The following PRKAG2 variants were observed in gnomAD, a reference collection of about 807,000 sequenced individuals.
The protein encoded by PRKAG2 is 5'-AMP-activated protein kinase subunit gamma-2.
PRKAG2 carries 26 observed loss-of-function variants against 69.6 expected under a neutral mutation model. The ratio of observed to expected loss-of-function variants is 0.37; its 90% CI spans 0.27 to 0.52. The LOEUF is 0.52. PRKAG2 is among the 20% of genes least tolerant of loss of function. The probability of loss-of-function intolerance (pLI) is 0.90; values close to 1 mark genes in which losing one functional copy is unlikely to be tolerated. For missense variants in PRKAG2, 557 were observed against 740.0 expected (o/e 0.75, Z 2.87); for synonymous variants, 293 against 285.0 (o/e 1.03, Z -0.28).
At chr7:151,680,038 C>T (rs1350111003) in intron 3 of PRKAG2, among the ~76,000 whole-genome samples, 5 of 152,146 alleles carry the variant, frequency 3.3e-5, no homozygotes, top group Non-Finnish European at 1.5e-5. Flanking sequence ...GGTGACACAG[C>T]AAGATCCTAT....
rs986608652 is a variant in PRKAG2 at position 151,814,902 on chromosome 7, G to C, written c.115-28361C>G. The C allele has an allele frequency of 1.6e-6, 2 of 1,228,286 alleles. No homozygotes were observed. The highest frequency in any genetic ancestry group is 2.0e-6 in the Non-Finnish European group (2 of 985,090). 76.1% of individuals were successfully genotyped at this position (1,228,286 alleles called of 1,614,324 possible). On this transcript the variant is annotated intron_variant, in intron 1 of 15. Transcript: ENST00000287878. This position sits in a 1 kb window ranked among gnomAD's most constrained non-coding sequence, Gnocchi z 4.8. ...CCACACAGCAAGCCAGCAGGAGGGA[G>C]GGCTGGACCGGAGCTTTTAAAAAGA...
chr7:151,763,502 C>T (rs1456126565), intron 3 of PRKAG2, among the ~76,000 whole-genome samples: 1 of 152,240 alleles, frequency 6.6e-6, no homozygotes, highest in Non-Finnish European at 1.5e-5. Flanking sequence ...CATCCACCTG[C>T]GCTTCTGACC....
intron 1 of PRKAG2, among the ~76,000 whole-genome samples, chr7:151,819,259 G>A (rs904367933): frequency 2.0e-5 from 3 of 152,230 alleles, no homozygotes; most frequent in Admixed American, 6.5e-5. Flanking sequence ...GGTCCTGCTC[G>A]GAGTGCATCT....
intron 3 of PRKAG2, among the ~76,000 whole-genome samples, chr7:151,687,649 G>A (rs557944479): frequency 2.6e-4 from 40 of 152,300 alleles, no homozygotes; most frequent in African/African-American, 8.9e-4. Flanking sequence ...TGGAGGAAGT[G>A]CAGGCTCTGA....
rs944517778 is a variant in PRKAG2, at chr7:151,874,114, T to G, written c.114+2393A>C. On this transcript the variant is annotated intron_variant, in intron 1 of 15. Transcript: ENST00000287878. ...ATGATGTATATGTATATGATGTATA[T>G]GTATATGTATATGATGTATATGTAT... is the stretch of plus-strand genomic sequence containing the variant. Among the ~76,000 whole-genome samples the G allele has an allele frequency of 1.7e-4, 24 of 145,408 alleles. 2 individuals carry two copies. Among genetic ancestry groups the G allele is most frequent in the African/African-American group, 6.2e-4 (24 of 38,946 alleles).
At chr7:151,822,167 A>C (rs1192807236) in intron 1 of PRKAG2, among the ~76,000 whole-genome samples, 2 of 152,206 alleles carry the variant, frequency 1.3e-5, no homozygotes, top group Non-Finnish European at 2.9e-5. Flanking sequence ...ATGTTCCAGA[A>C]ACAGACACCT....
Position 151,771,969 on chromosome 7 carries a change from T to C in PRKAG2, c.466+9183A>G, listed in dbSNP as rs753787780. ...GTTGGTGAATTAATTTCAAACAATT[T>C]GCTCAGTGCCTTCAGGCGCCATTCT... On this transcript the variant is annotated intron_variant, in intron 3 of 15. Coordinates refer to ENST00000287878, the MANE Select transcript of PRKAG2 (RefSeq NM_016203.4). The surrounding 1 kb of genome is among the most constrained non-coding windows in gnomAD (Gnocchi z 4.0). Among the ~76,000 whole-genome samples the C allele has an allele frequency of 3.3e-5, 5 of 152,246 alleles. No individual in the cohort carries two copies. Among genetic ancestry groups the C allele is most frequent in the Non-Finnish European group, 5.9e-5 (4 of 68,052 alleles).
At position 151,564,104 on chromosome 7, in the gene PRKAG2, T is replaced by C; in HGVS notation, c.1558A>G (p.Ile520Val). 1 of 1,614,194 alleles carries C rather than the reference T, an allele frequency of 6.2e-7. No individual in the cohort carries two copies. Among genetic ancestry groups the C allele is most frequent in the Non-Finnish European group, 8.5e-7 (1 of 1,180,036 alleles). Residue 520 changes from isoleucine (I) to valine (V), a missense_variant, in exon 14 of 16, where the codon ATC (isoleucine) becomes GTC (valine). Physicochemically the swap from Ile to Val is conservative, Grantham distance 29 (BLOSUM62 3). This residue lies in a region of PRKAG2 where 205 missense variants were observed against 383.4 expected (regional missense o/e 0.53). Coordinates refer to ENST00000287878, the MANE Select transcript of PRKAG2 (RefSeq NM_016203.4). ...TCAGCTCTTACTATTCTGTCCACGA[T>C]GGTCTCCAGTATTTCCAGCTTATTG... Reference protein sequence around the residue: ...KCNKLEILETIVDRIVRAEVH... With the variant: ...KCNKLEILETVVDRIVRAEVH...
intron 3 of PRKAG2, among the ~76,000 whole-genome samples, chr7:151,705,552 TA>T (rs1450096667): frequency 6.6e-6 from 1 of 151,992 alleles, no homozygotes; most frequent in Non-Finnish European, 1.5e-5. Context: ...GGGAGACAGA[TA>T]GGGGGAGGGC....
At chr7:151,648,393 AC>A (rs1466549013) in intron 4 of PRKAG2, among the ~76,000 whole-genome samples, 1 of 152,122 alleles carries the variant, frequency 6.6e-6, no homozygotes, top group Non-Finnish European at 1.5e-5. Context: ...CTTGCATCCC[AC>A]CGTGGTCCTC....
chr7:151,625,299 G>A (rs1374968501), intron 5 of PRKAG2, among the ~76,000 whole-genome samples: 1 of 152,168 alleles, frequency 6.6e-6, no homozygotes, highest in African/African-American at 2.4e-5. Context: ...AGCTGTCTGT[G>A]TAAAGTCTGG....
Position 151,632,262 on chromosome 7 carries a change from A to G in PRKAG2, c.685-124T>C, listed in dbSNP as rs1323174606. On this transcript the variant is annotated intron_variant, in intron 4 of 15. Coordinates refer to ENST00000287878, the MANE Select transcript of PRKAG2 (RefSeq NM_016203.4). The surrounding 1 kb of genome is among the most constrained non-coding windows in gnomAD (Gnocchi z 4.2). ...GCGCCGCCGGGAGGAGGGGCCTGGC[A>G]GGGGACGCGGGCAGCGGGGGCCGGG... The G allele has an allele frequency of 1.9e-6, 2 of 1,042,042 alleles. No individual in the cohort carries two copies. Among genetic ancestry groups the G allele is most frequent in the Middle Eastern group, 4.5e-4 (1 of 2,232 alleles). The allele number at this position is 1,042,042 out of a possible 1,614,324, so 64.5% of individuals were successfully genotyped here.
intron 10 of PRKAG2, 64 bp from the exon 11 acceptor site, chr7:151,568,906 C>A: frequency 6.3e-7 from 1 of 1,579,168 alleles, no homozygotes; most frequent in Non-Finnish European, 8.7e-7. Context: ...CTTTGGACTA[C>A]CCCTGCCTTA....
At chr7:151,862,752 CGCAGGGAGCACTGGTAGGTCCCCAAGT>C (rs1334482355) in intron 1 of PRKAG2, among the ~76,000 whole-genome samples, 3 of 152,134 alleles carry the variant, frequency 2.0e-5, no homozygotes, top group African/African-American at 7.2e-5. Context: ...GATCCCCAGG[CGCAGGGAGCACTGGTAGGTCCCCAAGT>C]GCAGGGGGCA....
chr7:151,783,398 T>C (rs1211239071), intron 2 of PRKAG2, among the ~76,000 whole-genome samples: 3 of 152,190 alleles, frequency 2.0e-5, no homozygotes, highest in Non-Finnish European at 4.4e-5. Flanking sequence ...TGCAGTGCAC[T>C]GGCGCAATCT....
At chr7:151,830,741 T>C (rs932258313) in intron 1 of PRKAG2, among the ~76,000 whole-genome samples, 1 of 135,962 alleles carries the variant, frequency 7.4e-6, no homozygotes, top group Non-Finnish European at 1.6e-5. Flanking sequence ...GAAAACTCCC[T>C]CTGGCCAAAC....
In PRKAG2 at chr7:151,721,382, A is replaced by G. The variant is rs866877113; in HGVS notation, c.467-45745T>C. ...ACAGGAAAGGGCTGAAGACAGGGCC[A>G]GGGCCAGGGCCGGGGCCAGGGCCGG... On this transcript the variant is annotated intron_variant, in intron 3 of 15. Transcript: ENST00000287878. 4.2e-3 allele frequency among the ~76,000 whole-genome samples: 641 copies of G among 151,192 alleles called. 2 individuals are homozygous for G. The highest frequency in any genetic ancestry group is 7.1e-3 in the Admixed American group (108 of 15,204).
chr7:151,673,236 G>A (rs976058682), intron 4 of PRKAG2, among the ~76,000 whole-genome samples: 3 of 152,092 alleles, frequency 2.0e-5, no homozygotes, highest in Admixed American at 1.3e-4. Flanking sequence ...TGGTTTTCTC[G>A]TCAAACCACT....
Position 151,781,010 on chromosome 7 carries a change from G to A in PRKAG2, c.466+142C>T, listed in dbSNP as rs571301587. 3.0e-5 allele frequency: 33 copies of A among 1,089,316 alleles called. No homozygotes were observed. In the Middle Eastern group the frequency reaches 8.9e-4, roughly 29 times the overall value. 67.5% of individuals were successfully genotyped at this position (1,089,316 alleles called of 1,614,324 possible). The stretch of plus-strand genomic sequence containing the variant: ...AGAGATTTGTTTAGGGGGAAGTGGG[G>A]GTGGGGAGAAACAGATACAGGCACT... On this transcript the variant is annotated intron_variant, in intron 3 of 15. Transcript: ENST00000287878. The surrounding 1 kb of genome is among the most constrained non-coding windows in gnomAD (Gnocchi z 6.1).
Sources: gnomAD v4.1 joint callset for allele counts (sites outside exome capture counted in the v4.1 genomes callset) on GRCh38, gnomAD v4.1.1 for gene constraint, gnomAD v4.1.1 regional missense constraint, Gnocchi (gnomAD v3.1) non-coding constraint, MANE v1.5 for transcripts, NCBI Gene and HGNC (gene_info 2026-07-23, HGNC 2026-07-21) for gene names.